The following CADPS variants were observed in gnomAD, a reference collection of about 807,000 sequenced individuals.
CADPS encodes calcium dependent secretion activator, also known as calcium-dependent secretion activator 1.
CADPS carries 57 observed loss-of-function variants against 167.3 expected under a neutral mutation model. That is an observed-to-expected ratio of 0.34 (90% CI 0.28 to 0.42). The LOEUF is 0.42. Among genes scored for constraint, CADPS ranks in the 20% least tolerant of loss-of-function variants. The pLI is 1.00. For synonymous variants in CADPS, 676 were observed against 635.3 expected (o/e 1.06, Z -0.96); for missense variants, 1,414 against 1,738.1 (o/e 0.81, Z 3.32).
intron 28 of CADPS, among the ~76,000 whole-genome samples, chr3:62,418,969 C>T: frequency 6.6e-6 from 1 of 152,192 alleles, no homozygotes; most frequent in Non-Finnish European, 1.5e-5. Context: ...ACACCAGCTG[C>T]TCTAATACCC....
At chr3:62,483,695 T>C in intron 21 of CADPS, among the ~76,000 whole-genome samples, 1 of 152,096 alleles carries the variant, frequency 6.6e-6, no homozygotes, top group East Asian at 1.9e-4. Context: ...GAAGGGAAAA[T>C]GGAACTTTTC....
At chr3:62,490,578 C>T (rs898587787) in intron 21 of CADPS, among the ~76,000 whole-genome samples, 2 of 152,212 alleles carry the variant, frequency 1.3e-5, no homozygotes, top group African/African-American at 4.8e-5. Flanking sequence ...ACTTGCAACC[C>T]ACAAGATTTC....
chr3:62,714,418 A>C (rs1368832483), intron 3 of CADPS, among the ~76,000 whole-genome samples: 2 of 152,134 alleles, frequency 1.3e-5, no homozygotes, highest in Non-Finnish European at 2.9e-5. Context: ...ACTGTTTTGG[A>C]ACTGCTGTTT....
intron 28 of CADPS, among the ~76,000 whole-genome samples, chr3:62,413,898 A>C (rs370384480): frequency 3.9e-3 from 67 of 17,164 alleles, no homozygotes; most frequent in Non-Finnish European, 0.01. Flanking sequence ...TTAAAAAAAA[A>C]AAAAAAAATC....
At chr3:62,604,115 C>A (rs1316655026) in intron 6 of CADPS, among the ~76,000 whole-genome samples, 1 of 152,110 alleles carries the variant, frequency 6.6e-6, no homozygotes, top group African/African-American at 2.4e-5. Flanking sequence ...CAGGTGTGAG[C>A]CACCTCACCC....
At chr3:62,658,891 T>C (rs373881537) in intron 4 of CADPS, among the ~76,000 whole-genome samples, 1 of 152,120 alleles carries the variant, frequency 6.6e-6, no homozygotes, top group East Asian at 1.9e-4. Context: ...AAGAAAGAAA[T>C]GATAATGAAT....
At chr3:62,697,353 G>A (rs935181629) in intron 3 of CADPS, among the ~76,000 whole-genome samples, 7 of 152,034 alleles carry the variant, frequency 4.6e-5, no homozygotes, top group East Asian at 1.9e-4. Context: ...ATGAGTGAGA[G>A]CATATGATGT....
chr3:62,755,230 C>A (rs529901), intron 2 of CADPS, among the ~76,000 whole-genome samples: 2 of 152,076 alleles, frequency 1.3e-5, no homozygotes, highest in Admixed American at 1.3e-4. Flanking sequence ...AACCTCTCCC[C>A]CCTGGTGGAA....
intron 21 of CADPS, among the ~76,000 whole-genome samples, chr3:62,486,864 T>C (rs2062900765): frequency 6.6e-6 from 1 of 152,238 alleles, no homozygotes; most frequent in Non-Finnish European, 1.5e-5. Context: ...GTCATATTTA[T>C]ACATGCTTTT....
chr3:62,680,857 G>C (rs890729301), intron 3 of CADPS, among the ~76,000 whole-genome samples: 2 of 152,022 alleles, frequency 1.3e-5, no homozygotes, highest in Non-Finnish European at 2.9e-5. Context: ...TGGGAGTTTA[G>C]AGGCTCATTC....
At chr3:62,665,208 T>G (rs1422223000) in intron 3 of CADPS, among the ~76,000 whole-genome samples, 3 of 152,200 alleles carry the variant, frequency 2.0e-5, no homozygotes, top group Non-Finnish European at 4.4e-5. Context: ...AATTGATGAT[T>G]CCTCTTGAAA....
chr3:62,619,545 G>T (rs1358638860), intron 6 of CADPS, among the ~76,000 whole-genome samples: 3 of 152,088 alleles, frequency 2.0e-5, no homozygotes, highest in Non-Finnish European at 4.4e-5. Flanking sequence ...GCATGAATTA[G>T]AAATAACATG....
At chr3:62,694,656 A>G (rs1016378770) in intron 3 of CADPS, among the ~76,000 whole-genome samples, 3 of 152,082 alleles carry the variant, frequency 2.0e-5, no homozygotes, top group African/African-American at 7.2e-5. Context: ...CCACTGACAA[A>G]GCATTTTGAC....
chr3:62,596,088 TACACACACAC>T (rs56780830), intron 6 of CADPS, among the ~76,000 whole-genome samples: 10,458 of 135,780 alleles, frequency 0.077, 462 homozygotes, highest in East Asian at 0.12. Flanking sequence ...TATATATGTA[TACACACACAC>T]ACACACACAC....
chr3:62,405,448 GA>G (rs35356402), intron 28 of CADPS, among the ~76,000 whole-genome samples: 2,349 of 128,016 alleles, frequency 0.018, 58 homozygotes, highest in African/African-American at 0.056. Context: ...CACCTTTCAG[GA>G]AAAAAAAAAA....
intron 11 of CADPS, among the ~76,000 whole-genome samples, chr3:62,545,029 C>T (rs1041998184): frequency 2.0e-5 from 3 of 151,994 alleles, no homozygotes; most frequent in African/African-American, 4.8e-5. Flanking sequence ...ATCAACCTCC[C>T]CCAAACCAAC....
In CADPS at chr3:62,821,075, A is replaced by G. The variant is rs139217547; in HGVS notation, c.441+53514T>C. On this transcript the variant is annotated intron_variant, in intron 1 of 29. Transcript: ENST00000383710. ...TGGCCGCCCAAAGTGCTGGGATTACAGGCGTAAGCCACTATGCCTGGCCTT... is the reference window on the plus strand; with the variant it reads ...TGGCCGCCCAAAGTGCTGGGATTACGGGCGTAAGCCACTATGCCTGGCCTT... Among the ~76,000 whole-genome samples the G allele has an allele frequency of 4.1e-3, 629 of 152,308 alleles. 8 individuals are homozygous for G. Among genetic ancestry groups the G allele is most frequent in the African/African-American group, 0.014 (598 of 41,566 alleles).
At position 62,399,685 on chromosome 3, in the gene CADPS, C is replaced by G; in HGVS notation, c.3883-100G>C. The G allele has an allele frequency of 1.2e-6, 1 of 851,074 alleles. No homozygotes were observed. Among genetic ancestry groups the G allele is most frequent in the East Asian group, 2.5e-5 (1 of 40,238 alleles). 52.7% of individuals were successfully genotyped at this position (851,074 alleles called of 1,614,324 possible). ...TGGGTGGGAGAGCACTGACCTTCAG[C>G]TAAATATCACACTTTATGCATTGTC... is the stretch of plus-strand genomic sequence containing the variant. On this transcript the variant is annotated intron_variant, in intron 29 of 29. Transcript: ENST00000383710. The surrounding 1 kb of genome is among the most constrained non-coding windows in gnomAD (Gnocchi z 5.6).
intron 8 of CADPS, 107 bp from the exon 9 acceptor site, chr3:62,571,045 G>A (rs2081195834): frequency 5.1e-6 from 4 of 779,876 alleles, no homozygotes; most frequent in East Asian, 2.5e-5. Flanking sequence ...AACGCACATG[G>A]CTCAGGAACG....
Sources: gnomAD v4.1 joint callset for allele counts (sites outside exome capture counted in the v4.1 genomes callset) on GRCh38, gnomAD v4.1.1 for gene constraint, Gnocchi (gnomAD v3.1) non-coding constraint, MANE v1.5 for transcripts, NCBI Gene and HGNC (gene_info 2026-07-23, HGNC 2026-07-21) for gene names.